PPARD: variants seen among roughly 807,000 people sequenced by gnomAD.
PPARD encodes the protein peroxisome proliferator-activated receptor delta.
In PPARD, 6 loss-of-function variants were observed where a neutral mutation model predicts 39.5. The ratio of observed to expected loss-of-function variants is 0.15; its 90% CI spans 0.08 to 0.30. The LOEUF (loss-of-function observed/expected upper bound fraction) is 0.30, where lower values mean the gene tolerates loss of function less well. Among genes scored for constraint, PPARD ranks in the 10% least tolerant of loss-of-function variants. The pLI, the probability that PPARD is intolerant of heterozygous loss-of-function variation, is 1.00. For synonymous variants in PPARD, 210 were observed against 231.3 expected (o/e 0.91, Z 0.83); for missense variants, 397 against 596.8 (o/e 0.67, Z 3.49).
intron 2 of PPARD, among the ~76,000 whole-genome samples, chr6:35,399,761 T>C (rs1217429379): frequency 6.6e-6 from 1 of 152,234 alleles, no homozygotes; most frequent in Non-Finnish European, 1.5e-5. Context: ...CTATTCTTTT[T>C]CTAGTCATTT....
chr6:35,376,388 G>C (rs926533572), intron 2 of PPARD, among the ~76,000 whole-genome samples: 2 of 151,872 alleles, frequency 1.3e-5, no homozygotes, highest in Non-Finnish European at 2.9e-5. Flanking sequence ...AAGTTTTCTT[G>C]TGTAGTTTCT....
Position 35,416,374 on chromosome 6 carries a change from CAAAAAAAAAAAAAAAAAAAAAAAA to C in PPARD, c.131-3740_131-3717del, listed in dbSNP as rs1170617869. Among the ~76,000 whole-genome samples the C allele has an allele frequency of 2.1e-3, 112 of 52,620 alleles. 1 individual carries two copies. In the Admixed American group the frequency reaches 0.022, roughly 10 times the overall value. The allele number at this position is 52,620 out of a possible 152,430, so 34.5% of individuals were successfully genotyped here. ...GGGGAACAAAAGCGAGACTTCATCT[CAAAAAAAAAAAAAAAAAAAAAAAA>C]AAAAAAAAAAAACACCTTCTTAGCA... is the stretch of plus-strand genomic sequence containing the variant. On this transcript the variant is annotated intron_variant, in intron 3 of 7. Transcript: ENST00000360694.
chr6:35,351,320 A>C (rs1341574148), intron 2 of PPARD, among the ~76,000 whole-genome samples: 1 of 152,104 alleles, frequency 6.6e-6, no homozygotes, highest in Non-Finnish European at 1.5e-5. Flanking sequence ...CCACTGCGCC[A>C]GTCCCTTTAG....
intron 2 of PPARD, among the ~76,000 whole-genome samples, chr6:35,360,638 A>G (rs1458520651): frequency 2.0e-5 from 3 of 152,226 alleles, no homozygotes; most frequent in Admixed American, 2.0e-4. Flanking sequence ...TGTTGCATCC[A>G]CAGGCTTGTG....
intron 1 of PPARD, among the ~76,000 whole-genome samples, chr6:35,344,570 C>T (rs951528157): frequency 5.3e-5 from 8 of 152,060 alleles, no homozygotes; most frequent in African/African-American, 1.9e-4. Context: ...TCCTTTGTTT[C>T]TACCCAGTCT....
intron 2 of PPARD, among the ~76,000 whole-genome samples, chr6:35,380,510 A>T (rs1763097655): frequency 1.1e-5 from 1 of 87,544 alleles, no homozygotes. Flanking sequence ...TTTTTTTGAG[A>T]CAAGGTCTTA....
At chr6:35,348,011 G>T (rs543784493) in intron 2 of PPARD, among the ~76,000 whole-genome samples, 1 of 151,324 alleles carries the variant, frequency 6.6e-6, no homozygotes, top group African/African-American at 2.4e-5. Context: ...AGGTTCAAGC[G>T]ATTCTCCTAC....
chr6:35,394,020 T>A (rs1461792085), intron 2 of PPARD, among the ~76,000 whole-genome samples: 1 of 152,236 alleles, frequency 6.6e-6, no homozygotes, highest in African/African-American at 2.4e-5. Context: ...ACTCTTCTAC[T>A]CCACTTTATT....
intron 2 of PPARD, among the ~76,000 whole-genome samples, chr6:35,387,203 G>A (rs182188717): frequency 0.014 from 2,057 of 145,562 alleles, 18 homozygotes; most frequent in Middle Eastern, 0.029. Flanking sequence ...GGTTGCTGTC[G>A]GTGAGCTCAC....
intron 2 of PPARD, among the ~76,000 whole-genome samples, chr6:35,371,372 G>A (rs1252955319): frequency 6.6e-6 from 1 of 151,866 alleles, no homozygotes; most frequent in Non-Finnish European, 1.5e-5. Context: ...CTCCCTCCAC[G>A]CGCTTGTCCC....
intron 2 of PPARD, among the ~76,000 whole-genome samples, chr6:35,361,768 C>T (rs73411769): frequency 0.047 from 7,203 of 152,202 alleles, 394 homozygotes; most frequent in African/African-American, 0.14. Context: ...TGCTGAGGGT[C>T]TGGCTTTTGG....
At position 35,404,703 on chromosome 6, in the gene PPARD, G is replaced by A. The variant is rs537138365; in HGVS notation, c.-101-6284G>A. ...GCAGAGACGGGGAAGGGAGACAACTGGACTTGGTGGGAAGGACTGGGCCCC... is the reference window on the plus strand; with the variant it reads ...GCAGAGACGGGGAAGGGAGACAACTAGACTTGGTGGGAAGGACTGGGCCCC... On this transcript the variant is annotated intron_variant, in intron 2 of 7. Transcript: ENST00000360694. Among the ~76,000 whole-genome samples the A allele has an allele frequency of 6.6e-5, 10 of 152,300 alleles. No individual in the cohort carries two copies. The South Asian group carries it at 1.9e-3, about 28-fold the overall frequency.
intron 2 of PPARD, among the ~76,000 whole-genome samples, chr6:35,364,945 G>A (rs1413919970): frequency 8.6e-5 from 13 of 151,484 alleles, no homozygotes; most frequent in Non-Finnish European, 1.3e-4. Flanking sequence ...TCCTGACCTT[G>A]TGATCCACCC....
In PPARD at chr6:35,395,621, G is replaced by A. The variant is rs372726037; in HGVS notation, c.-101-15366G>A. Reference sequence around the variant, plus strand: ...AAGATGGGTTTGGGGAGGAAAAGGTGCAGGCCAAGACTTGGTGACCAGGGC... The same window carrying A: ...AAGATGGGTTTGGGGAGGAAAAGGTACAGGCCAAGACTTGGTGACCAGGGC... On this transcript the variant is annotated intron_variant, in intron 2 of 7. Transcript: ENST00000360694. Among the ~76,000 whole-genome samples, 24 of 152,346 alleles carry A rather than the reference G, an allele frequency of 1.6e-4. No individual in the cohort carries two copies. The East Asian group carries it at 4.1e-3, about 26-fold the overall frequency.
chr6:35,416,402 A>C (rs987220568), intron 3 of PPARD, among the ~76,000 whole-genome samples: 12 of 150,028 alleles, frequency 8.0e-5, no homozygotes, highest in African/African-American at 9.8e-5. Context: ...AAAAAAAAAA[A>C]AAAAAAAACA....
chr6:35,395,379 A>G (rs757328701), intron 2 of PPARD, among the ~76,000 whole-genome samples: 2 of 152,234 alleles, frequency 1.3e-5, no homozygotes, highest in Non-Finnish European at 2.9e-5. Context: ...CCGTAAGCAC[A>G]GGAAGGCCTG....
intron 1 of PPARD, 83 bp from the exon 2 acceptor site, chr6:35,346,984 C>T (rs773561757): frequency 6.5e-6 from 5 of 772,564 alleles, no homozygotes; most frequent in Admixed American, 2.7e-5. Context: ...CTTTGAGTTA[C>T]GGTGGGTATA....
intron 2 of PPARD, among the ~76,000 whole-genome samples, chr6:35,352,177 T>TTTTTG (rs931325983): frequency 7.3e-5 from 11 of 151,444 alleles, no homozygotes; most frequent in Admixed American, 2.0e-4. Flanking sequence ...AGCCAGTTCT[T>TTTTTG]TTTTGTTTTG....
chr6:35,400,628 C>T (rs1360672050), intron 2 of PPARD, among the ~76,000 whole-genome samples: 6 of 151,998 alleles, frequency 3.9e-5, no homozygotes, highest in Non-Finnish European at 8.8e-5. Flanking sequence ...GGCAAAACCC[C>T]GTCTCTACAA....
Sources: allele counts gnomAD v4.1 joint callset (sites outside exome capture counted in the v4.1 genomes callset), GRCh38; gene constraint gnomAD v4.1.1; transcripts MANE v1.5; gene names NCBI Gene and HGNC (gene_info 2026-07-23, HGNC 2026-07-21).